Variants in BRINP3 observed in about 807,000 individuals in gnomAD.
BRINP3 encodes the protein BMP/retinoic acid-inducible neural-specific protein 3.
In BRINP3, 19 loss-of-function variants were observed where a neutral mutation model predicts 71.0. That is an observed-to-expected ratio of 0.27 (90% confidence interval 0.19 to 0.39). BRINP3 has a LOEUF of 0.39. Among genes scored for constraint, BRINP3 ranks in the 10% least tolerant of loss-of-function variants. BRINP3 has a pLI of 1.00. For synonymous variants in BRINP3, 380 were observed against 337.7 expected (o/e 1.13, Z -1.37); for missense variants, 959 against 940.8 (o/e 1.02, Z -0.25).
intron 6 of BRINP3, among the ~76,000 whole-genome samples, chr1:190,211,736 G>C (rs1232588137): frequency 6.6e-6 from 1 of 152,084 alleles, no homozygotes; most frequent in East Asian, 1.9e-4. Context: ...ATTCATTTGA[G>C]ATCTAAATCA....
At chr1:190,450,155 C>T (rs1033987765) in intron 2 of BRINP3, among the ~76,000 whole-genome samples, 36 of 152,094 alleles carry the variant, frequency 2.4e-4, no homozygotes, top group African/African-American at 8.7e-4. Context: ...GGCTACATCT[C>T]AAGGTAGGAT....
chr1:190,413,896 C>G (rs1357742718), intron 2 of BRINP3, among the ~76,000 whole-genome samples: 1 of 151,840 alleles, frequency 6.6e-6, no homozygotes, highest in Admixed American at 6.6e-5. Flanking sequence ...TATAAAACCA[C>G]TGAAAAAAAA....
rs35452757 is a variant in BRINP3, at chr1:190,251,805, CA to C, written c.618+13059del. Among the ~76,000 whole-genome samples, 56 of 145,082 alleles carry C rather than the reference CA, an allele frequency of 3.9e-4. 1 individual carries two copies. Among genetic ancestry groups the C allele is most frequent in the South Asian group, 3.2e-3 (15 of 4,636 alleles). ...AACAATACTCTTTAACAACAACAAC[CA>C]AAAAAAAAAACATAAAGAGATGGCT... On this transcript the variant is annotated intron_variant, in intron 4 of 7. Coordinates refer to ENST00000367462, the MANE Select transcript of BRINP3 (RefSeq NM_199051.3).
chr1:190,286,252 G>T (rs949521291), intron 2 of BRINP3, among the ~76,000 whole-genome samples: 5 of 152,086 alleles, frequency 3.3e-5, no homozygotes, highest in African/African-American at 4.8e-5. Context: ...TTTCTACAAT[G>T]TTTATTATAA....
chr1:190,232,296 C>A (rs1571439058), intron 5 of BRINP3, among the ~76,000 whole-genome samples: 1 of 151,980 alleles, frequency 6.6e-6, no homozygotes, highest in East Asian at 1.9e-4. Flanking sequence ...CAAAGGAATG[C>A]ACCATGGTAA....
At chr1:190,111,299 C>A (rs1050232610) in intron 7 of BRINP3, among the ~76,000 whole-genome samples, 2 of 144,552 alleles carry the variant, frequency 1.4e-5, no homozygotes, top group African/African-American at 2.6e-5. Flanking sequence ...CAAAATATTT[C>A]TTTTCTTTTT....
intron 6 of BRINP3, among the ~76,000 whole-genome samples, chr1:190,208,902 A>T (rs1277294221): frequency 2.0e-5 from 3 of 150,538 alleles, no homozygotes; most frequent in African/African-American, 7.3e-5. Flanking sequence ...TCTTTAAAGT[A>T]AAAAAAAATA....
intron 2 of BRINP3, among the ~76,000 whole-genome samples, chr1:190,371,766 G>A (rs1403486688): frequency 1.3e-5 from 2 of 152,034 alleles, no homozygotes; most frequent in African/African-American, 4.8e-5. Flanking sequence ...GAGTAGTATG[G>A]ATATTGTTAA....
intron 7 of BRINP3, among the ~76,000 whole-genome samples, chr1:190,118,786 T>C (rs1391224830): frequency 6.6e-6 from 1 of 152,204 alleles, no homozygotes; most frequent in Non-Finnish European, 1.5e-5. Context: ...CATATATACA[T>C]GAAAGTGGTA....
At chr1:190,370,527 C>T (rs1048912126) in intron 2 of BRINP3, among the ~76,000 whole-genome samples, 3 of 152,144 alleles carry the variant, frequency 2.0e-5, no homozygotes, top group Non-Finnish European at 4.4e-5. Flanking sequence ...GAAGAAATTA[C>T]TATCCAATAC....
chr1:190,127,017 GTATT>G (rs1481423886), intron 7 of BRINP3, among the ~76,000 whole-genome samples: 7 of 151,884 alleles, frequency 4.6e-5, no homozygotes, highest in African/African-American at 9.6e-5. Context: ...ATCACAAACA[GTATT>G]TATTTATTTC....
At chr1:190,299,923 T>C (rs1035327267) in intron 2 of BRINP3, among the ~76,000 whole-genome samples, 3 of 152,166 alleles carry the variant, frequency 2.0e-5, no homozygotes, top group African/African-American at 7.2e-5. Flanking sequence ...ACATCTGCTT[T>C]TAGTCTGATG....
At chr1:190,373,656 A>C (rs748193375) in intron 2 of BRINP3, among the ~76,000 whole-genome samples, 2 of 151,912 alleles carry the variant, frequency 1.3e-5, no homozygotes, top group Middle Eastern at 3.4e-3. Context: ...TCCACAGCAG[A>C]GCAAAAACAC....
intron 2 of BRINP3, among the ~76,000 whole-genome samples, chr1:190,304,601 C>T (rs1664965318): frequency 6.6e-6 from 1 of 151,786 alleles, no homozygotes; most frequent in Admixed American, 6.6e-5. Flanking sequence ...ATTTATCTCC[C>T]ACCATATGCA....
intron 2 of BRINP3, among the ~76,000 whole-genome samples, chr1:190,357,143 G>T (rs1668784111): frequency 6.6e-6 from 1 of 151,884 alleles, no homozygotes; most frequent in African/African-American, 2.4e-5. Flanking sequence ...ATATCAGTCA[G>T]GTTAGAAGTG....
intron 2 of BRINP3, among the ~76,000 whole-genome samples, chr1:190,352,353 T>C (rs1668443777): frequency 6.6e-6 from 1 of 151,914 alleles, no homozygotes; most frequent in Non-Finnish European, 1.5e-5. Context: ...TACTTTTGAG[T>C]TTCAAATGCG....
chr1:190,404,234 T>G (rs1188603210), intron 2 of BRINP3, among the ~76,000 whole-genome samples: 1 of 152,172 alleles, frequency 6.6e-6, no homozygotes, highest in African/African-American at 2.4e-5. Context: ...TAATAACTCA[T>G]ACTATCAGTA....
At chr1:190,433,758 C>G (rs569426934) in intron 2 of BRINP3, among the ~76,000 whole-genome samples, 123 of 152,130 alleles carry the variant, frequency 8.1e-4, no homozygotes, top group African/African-American at 2.9e-3. Flanking sequence ...TGTAATTGCT[C>G]CTTCATATAC....
chr1:190,101,112 G>A (rs1009861530), intron 7 of BRINP3, among the ~76,000 whole-genome samples: 46 of 152,084 alleles, frequency 3.0e-4, no homozygotes, highest in African/African-American at 9.4e-4. Context: ...CCAGACTCCA[G>A]AAACCTGAAC....
Sources: gnomAD v4.1 joint callset for allele counts (sites outside exome capture counted in the v4.1 genomes callset) on GRCh38, gnomAD v4.1.1 for gene constraint, MANE v1.5 for transcripts, NCBI Gene and HGNC (gene_info 2026-07-23, HGNC 2026-07-21) for gene names.